The following HERC1 variants were observed in gnomAD, a reference collection of about 807,000 sequenced individuals.
HERC1 encodes the protein probable E3 ubiquitin-protein ligase HERC1.
A neutral mutation model predicts 554.3 loss-of-function variants in HERC1; 160 were observed. That is an observed-to-expected ratio of 0.29 (90% CI 0.25 to 0.33). HERC1 has a LOEUF of 0.33. HERC1 is among the 10% of genes least tolerant of loss of function. The probability of loss-of-function intolerance (pLI) is 1.00; values close to 1 mark genes in which losing one functional copy is unlikely to be tolerated. For missense variants in HERC1, 4,919 were observed against 5,918.5 expected, an observed-to-expected ratio of 0.83 and a Z score of 5.54; for synonymous variants, 2,175 against 2,131.7, an observed-to-expected ratio of 1.02 and a Z score of -0.56.
chr15:63,778,779 T>C (rs1344420575), intron 1 of HERC1, among the ~76,000 whole-genome samples: 1 of 152,084 alleles, frequency 6.6e-6, no homozygotes, highest in Admixed American at 6.5e-5. Context: ...CAAAACAAAA[T>C]TAAATTTTAC....
chr15:63,720,850 G>A (rs1429027424), intron 19 of HERC1, among the ~76,000 whole-genome samples: 1 of 152,094 alleles, frequency 6.6e-6, no homozygotes, highest in South Asian at 2.1e-4. Flanking sequence ...AAATTTAGCA[G>A]GTATTACTCT....
At chr15:63,636,217 T>C (rs1024203757) in intron 64 of HERC1, 75 bp from the exon 65 acceptor site, 6 of 1,299,502 alleles carry the variant, frequency 4.6e-6, no homozygotes, top group South Asian at 1.3e-5. Context: ...TGCTACTGAA[T>C]ACCCTCAATC....
intron 1 of HERC1, among the ~76,000 whole-genome samples, chr15:63,831,499 A>C (rs1344923279): frequency 6.6e-6 from 1 of 152,136 alleles, no homozygotes; most frequent in East Asian, 1.9e-4. Context: ...TATAACATTC[A>C]AGTTTTGTTT....
At position 63,699,008 on chromosome 15, in the gene HERC1, C is replaced by G; in HGVS notation, c.4637-12G>C. 1.9e-6 allele frequency: 3 copies of G among 1,595,238 alleles called. No individual in the cohort carries two copies. The highest frequency in any genetic ancestry group is 2.2e-5 in the South Asian group (2 of 90,112). On this transcript the variant is annotated splice_polypyrimidine_tract_variant and intron_variant, in intron 25 of 77. Transcript: ENST00000443617. ...ACTGTGCATAGGACCTATATACAAA[C>G]AGAATAAACATATATCAATGGCAAT...
In HERC1 at chr15:63,816,977, GA is replaced by G. The variant is rs1196699969; in HGVS notation, c.-27+16849del. Among the ~76,000 whole-genome samples, 5 of 150,264 alleles carry G rather than the reference GA, an allele frequency of 3.3e-5. No individual in the cohort carries two copies. The South Asian group carries it at 8.4e-4, about 25-fold the overall frequency. On this transcript the variant is annotated intron_variant, in intron 1 of 77. Coordinates refer to ENST00000443617, the MANE Select transcript of HERC1 (RefSeq NM_003922.4). ...CCTATGAAGTACTCTTACTGAGAGG[GA>G]AAAAAAAATACAAACCAACCTATCA...
chr15:63,666,302 A>C (rs1397871471), intron 41 of HERC1, 54 bp downstream of exon 41: 1 of 1,425,110 alleles, frequency 7.0e-7, no homozygotes, highest in East Asian at 2.3e-5. Flanking sequence ...GTTGTCTTTA[A>C]TAAGCTAGGA....
intron 70 of HERC1, among the ~76,000 whole-genome samples, chr15:63,626,546 G>C (rs1016462443): frequency 3.3e-5 from 5 of 152,168 alleles, no homozygotes; most frequent in African/African-American, 1.2e-4. Context: ...TAAGTAGGCA[G>C]TTCTGGAAAA....
At chr15:63,624,006 A>AG (rs1248766135) in intron 72 of HERC1, 116 bp from the exon 73 acceptor site, 25 of 1,286,214 alleles carry the variant, frequency 1.9e-5, no homozygotes, top group Non-Finnish European at 2.6e-5. Flanking sequence ...GCACTGTGCT[A>AG]GGCCCACTGT....
chr15:63,830,470 TGAA>T (rs962227810), intron 1 of HERC1, among the ~76,000 whole-genome samples: 2 of 151,788 alleles, frequency 1.3e-5, no homozygotes, highest in Non-Finnish European at 2.9e-5. Flanking sequence ...TTGGAGGAAA[TGAA>T]GAAGACACAA....
Position 63,778,349 on chromosome 15 carries a change from G to A in HERC1, c.-26-2700C>T, listed in dbSNP as rs1359917026. On this transcript the variant is annotated intron_variant, in intron 1 of 77. Transcript: ENST00000443617. ...CTGAAAACACTGGAAAAGTATCTGG[G>A]CAGATCAGAGCACAGACTACAGGGA... Among the ~76,000 whole-genome samples the A allele has an allele frequency of 4.6e-5, 7 of 152,272 alleles. No homozygotes were observed. In the East Asian group the frequency reaches 1.3e-3, roughly 29 times the overall value.
At position 63,749,368 on chromosome 15, in the gene HERC1, T is replaced by C. The variant is rs1567084665; in HGVS notation, c.2218A>G (p.Arg740Gly). 6.3e-7 allele frequency: 1 copy of C among 1,597,180 alleles called. No homozygotes were observed. Among genetic ancestry groups the C allele is most frequent in the Non-Finnish European group, 8.5e-7 (1 of 1,174,364 alleles). ...ATTTTTAAACATAGGCACTCTTACCTGTCCCTAGGAAGAGCAGTCCATGCC... is the reference window on the plus strand; with the variant it reads ...ATTTTTAAACATAGGCACTCTTACCCGTCCCTAGGAAGAGCAGTCCATGCC... ...SLAWTALPRD[R>G]QVVAWHRPYC... Residue 740 changes from arginine to glycine, a missense_variant and splice_region_variant, in exon 10 of 78, where the codon AGA (arginine) becomes GGA (glycine). Arg to Gly is a moderately radical substitution (Grantham distance 125). This residue lies in a region of HERC1 where 744 missense variants were observed against 1,090.0 expected (regional missense o/e 0.68). Transcript: ENST00000443617. This position sits in a 1 kb window ranked among gnomAD's most constrained non-coding sequence, Gnocchi z 4.1.
chr15:63,653,367 C>T (rs866997456), intron 51 of HERC1, among the ~76,000 whole-genome samples: 3 of 149,930 alleles, frequency 2.0e-5, no homozygotes, highest in Non-Finnish European at 4.5e-5. Flanking sequence ...CACTTGAACC[C>T]GGGAGGCGGG....
chr15:63,627,434 C>T (rs4984253), intron 70 of HERC1, among the ~76,000 whole-genome samples: 8 of 151,914 alleles, frequency 5.3e-5, no homozygotes, highest in East Asian at 3.9e-4. Flanking sequence ...CACTTTGGGA[C>T]GCTGAGGCTT....
intron 12 of HERC1, among the ~76,000 whole-genome samples, chr15:63,744,651 G>T (rs2074988526): frequency 6.6e-6 from 1 of 152,154 alleles, no homozygotes; most frequent in African/African-American, 2.4e-5. Flanking sequence ...AAGGAGTATT[G>T]CCAGACAAGC....
chr15:63,619,637 T>C (rs1443108984), intron 74 of HERC1, among the ~76,000 whole-genome samples: 1 of 152,208 alleles, frequency 6.6e-6, no homozygotes. Flanking sequence ...GGACTTTTTT[T>C]GGTTGGTAAG....
intron 1 of HERC1, among the ~76,000 whole-genome samples, chr15:63,813,360 G>GTA (rs1206151791): frequency 6.9e-5 from 10 of 145,620 alleles, no homozygotes; most frequent in African/African-American, 2.6e-4. Context: ...AAACTCGTAA[G>GTA]TACACACACT....
At chr15:63,761,684 T>C (rs976940261) in intron 3 of HERC1, among the ~76,000 whole-genome samples, 3 of 152,088 alleles carry the variant, frequency 2.0e-5, no homozygotes, top group African/African-American at 7.2e-5. Context: ...AATTTAGAAA[T>C]TAATTTTTTC....
At chr15:63,638,323 G>C in intron 63 of HERC1, 88 bp downstream of exon 63, 1 of 1,332,858 alleles carries the variant, frequency 7.5e-7, no homozygotes, top group Non-Finnish European at 1.0e-6. Context: ...TTATGAAATG[G>C]ACAAGCTTTA....
At chr15:63,699,144 A>C (rs2072586667) in intron 25 of HERC1, 148 bp from the exon 26 acceptor site, 1 of 660,278 alleles carries the variant, frequency 1.5e-6, no homozygotes, top group African/African-American at 1.8e-5. Flanking sequence ...AGTGAATCTG[A>C]GCAAAATGCT....
Sources: gnomAD v4.1 joint callset for allele counts (sites outside exome capture counted in the v4.1 genomes callset) on GRCh38, gnomAD v4.1.1 for gene constraint, gnomAD v4.1.1 regional missense constraint, Gnocchi (gnomAD v3.1) non-coding constraint, MANE v1.5 for transcripts, NCBI Gene and HGNC (gene_info 2026-07-23, HGNC 2026-07-21) for gene names.